GRIA4: variants seen among roughly 807,000 people sequenced by gnomAD.
GRIA4 encodes the protein glutamate receptor 4.
Under a neutral mutation model 104.0 loss-of-function variants are expected in GRIA4, and 34 were observed. The ratio of observed to expected loss-of-function variants is 0.33; its 90% confidence interval spans 0.25 to 0.44. GRIA4 has a LOEUF of 0.44. Ranked by LOEUF, GRIA4 falls within the 20% of genes least tolerant of loss-of-function variation. GRIA4 has a pLI of 1.00. For synonymous variants in GRIA4, 386 were observed against 381.9 expected (o/e 1.01, Z -0.13); for missense variants, 750 against 1,096.5 (o/e 0.68, Z 4.46).
In GRIA4 at chr11:105,801,006, C is replaced by T. The variant is rs112687019; in HGVS notation, c.487+47786C>T. On this transcript the variant is annotated intron_variant, in intron 4 of 16. Coordinates refer to ENST00000282499, the MANE Select transcript of GRIA4 (RefSeq NM_000829.4). Reference sequence around the variant, plus strand: ...TTAACTAAATACAGCATGGTATTAACAGTAACATAAATCTAACTTTCCTAG... The same window carrying T: ...TTAACTAAATACAGCATGGTATTAATAGTAACATAAATCTAACTTTCCTAG... Among the ~76,000 whole-genome samples, 1,515 of 151,864 alleles carry T rather than the reference C, an allele frequency of 1.0e-2. 29 individuals are homozygous for T. The highest frequency in any genetic ancestry group is 0.035 in the African/African-American group (1,452 of 41,480).
chr11:105,629,542 A>G (rs1466813939), intron 3 of GRIA4, among the ~76,000 whole-genome samples: 8 of 152,108 alleles, frequency 5.3e-5, no homozygotes, highest in African/African-American at 1.7e-4. Context: ...AAAAGACTAT[A>G]CTCAAATGTT....
rs1393572739 is a variant in GRIA4, at chr11:105,965,821, G to C, written c.2295-6093G>C. ...GGTTTGGACTCCAGAGGAAGGGGCT[G>C]CAGGATGGTAAAATGAGAGGTTTAT... is the stretch of plus-strand genomic sequence containing the variant. On this transcript the variant is annotated intron_variant, in intron 14 of 16. Coordinates refer to ENST00000282499, the MANE Select transcript of GRIA4 (RefSeq NM_000829.4). 8.3e-6 allele frequency: 6 copies of C among 719,910 alleles called. No homozygotes were observed. In the African/African-American group the frequency reaches 1.1e-4, roughly 13 times the overall value. 44.6% of individuals were successfully genotyped at this position (719,910 alleles called of 1,614,324 possible). A position where few individuals can be genotyped will look rare whatever the true frequency, so the allele number is the denominator to read the frequency against.
At chr11:105,761,501 G>T (rs1021015634) in intron 4 of GRIA4, among the ~76,000 whole-genome samples, 2 of 152,112 alleles carry the variant, frequency 1.3e-5, no homozygotes, top group African/African-American at 4.8e-5. Flanking sequence ...CACTTTGAGA[G>T]TTTAAATAAT....
intron 4 of GRIA4, among the ~76,000 whole-genome samples, chr11:105,844,522 C>T (rs1480072588): frequency 6.6e-6 from 1 of 152,184 alleles, no homozygotes; most frequent in African/African-American, 2.4e-5. Context: ...AATTGTAAAA[C>T]AGGACCTTTG....
At chr11:105,856,971 G>A (rs1945030323) in intron 4 of GRIA4, among the ~76,000 whole-genome samples, 1 of 152,116 alleles carries the variant, frequency 6.6e-6, no homozygotes, top group South Asian at 2.1e-4. Flanking sequence ...ATAGCTTCAG[G>A]CTGTAAAAGT....
At chr11:105,876,207 C>T (rs1310874432) in intron 5 of GRIA4, among the ~76,000 whole-genome samples, 2 of 152,122 alleles carry the variant, frequency 1.3e-5, no homozygotes, top group Non-Finnish European at 2.9e-5. Context: ...GTTCAGTTTC[C>T]ATGCAGTTGT....
In GRIA4 at chr11:105,924,583, C is replaced by A; in HGVS notation, c.1661C>A (p.Ala554Asp). ...AYEIWMCIVF[A>D]YIGVSVVLFL... ...GAGATTTGGATGTGCATAGTCTTTG[C>A]CTACATTGGTGTCAGCGTGGTCTTA... Residue 554 changes from alanine (A) to aspartate (D), a missense_variant, in exon 12 of 17, where the codon GCC (alanine) becomes GAC (aspartate). Around this residue, in one of 3 missense-constraint regions of GRIA4, gnomAD observed 272 missense variants for 524.5 expected, o/e 0.52. Coordinates refer to ENST00000282499, the MANE Select transcript of GRIA4 (RefSeq NM_000829.4). 1 of 1,612,530 alleles carries A rather than the reference C, an allele frequency of 6.2e-7. No homozygotes were observed. The highest frequency in any genetic ancestry group is 8.5e-7 in the Non-Finnish European group (1 of 1,178,812).
chr11:105,810,800 A>T (rs1381633839), intron 4 of GRIA4, among the ~76,000 whole-genome samples: 1 of 152,104 alleles, frequency 6.6e-6, no homozygotes, highest in Non-Finnish European at 1.5e-5. Flanking sequence ...TGACTCCTCA[A>T]GTTAGTAGTA....
chr11:105,740,551 TA>T (rs1358619210), intron 3 of GRIA4, among the ~76,000 whole-genome samples: 1 of 152,250 alleles, frequency 6.6e-6, no homozygotes, highest in Admixed American at 6.5e-5. Context: ...GTGGAACGTG[TA>T]TTCTCCTACA....
intron 5 of GRIA4, among the ~76,000 whole-genome samples, chr11:105,873,199 T>A (rs754598228): frequency 6.6e-6 from 1 of 152,162 alleles, no homozygotes; most frequent in Non-Finnish European, 1.5e-5. Flanking sequence ...CCTGTGTTAG[T>A]TTGCTGAGAA....
intron 4 of GRIA4, among the ~76,000 whole-genome samples, chr11:105,829,661 T>C (rs189500770): frequency 6.6e-6 from 1 of 151,954 alleles, no homozygotes; most frequent in East Asian, 1.9e-4. Context: ...TATGTCGACA[T>C]ATACTAACAG....
intron 3 of GRIA4, among the ~76,000 whole-genome samples, chr11:105,729,983 C>G (rs1254789064): frequency 6.6e-6 from 1 of 152,118 alleles, no homozygotes; most frequent in Non-Finnish European, 1.5e-5. Flanking sequence ...ACGAGGATGC[C>G]CTCTCTCACC....
At chr11:105,696,804 G>A (rs977732878) in intron 3 of GRIA4, among the ~76,000 whole-genome samples, 4 of 150,420 alleles carry the variant, frequency 2.7e-5, no homozygotes, top group East Asian at 1.9e-4. Flanking sequence ...TGCTCTAATC[G>A]TCCAGGCTGG....
chr11:105,704,466 C>T (rs572921495), intron 3 of GRIA4, among the ~76,000 whole-genome samples: 1 of 151,724 alleles, frequency 6.6e-6, no homozygotes, highest in Non-Finnish European at 1.5e-5. Context: ...AGAGAATGGT[C>T]AGAGAAATAG....
intron 3 of GRIA4, chr11:105,612,738 G>A (rs1950511624): frequency 3.9e-6 from 1 of 255,986 alleles, no homozygotes; most frequent in African/African-American, 2.2e-5. Flanking sequence ...TAACATTTTA[G>A]TGTTATTCCT....
intron 14 of GRIA4, among the ~76,000 whole-genome samples, chr11:105,949,456 G>C (rs1468684213): frequency 2.0e-5 from 3 of 152,164 alleles, no homozygotes; most frequent in Admixed American, 6.5e-5. Context: ...GGACTGAAAA[G>C]AGTATAAAGT....
At chr11:105,707,993 G>C (rs1953768943) in intron 3 of GRIA4, 1 of 152,126 alleles carries the variant, frequency 6.6e-6, no homozygotes, top group Non-Finnish European at 1.5e-5. Context: ...TCAGGAAAGT[G>C]TCTGTCACAA....
chr11:105,807,395 G>C (rs1942995704), intron 4 of GRIA4, among the ~76,000 whole-genome samples: 1 of 151,848 alleles, frequency 6.6e-6, no homozygotes, highest in Non-Finnish European at 1.5e-5. Context: ...CATTGAAAAA[G>C]AGTCAAGATA....
Position 105,859,867 on chromosome 11 carries a change from A to G in GRIA4, c.488-2157A>G, listed in dbSNP as rs546013722. ...GTTCATAGGTGTCAAAAAAAGATTT[A>G]AAAGAACATTGCCTCAGTTACCATC... On this transcript the variant is annotated intron_variant, in intron 4 of 16. Coordinates refer to ENST00000282499, the MANE Select transcript of GRIA4 (RefSeq NM_000829.4). 2.0e-5 allele frequency among the ~76,000 whole-genome samples: 3 copies of G among 152,334 alleles called. No individual in the cohort carries two copies. In the East Asian group the frequency reaches 5.8e-4, roughly 29 times the overall value.
Sources: allele counts gnomAD v4.1 joint callset (sites outside exome capture counted in the v4.1 genomes callset), GRCh38; gene constraint gnomAD v4.1.1; regional missense constraint gnomAD v4.1.1; transcripts MANE v1.5; gene names NCBI Gene and HGNC (gene_info 2026-07-23, HGNC 2026-07-21).